APP: variants seen among roughly 807,000 people sequenced by gnomAD.
APP encodes amyloid beta precursor protein, also known as amyloid-beta precursor protein.
Under a neutral mutation model 101.4 loss-of-function variants are expected in APP, and 31 were observed. That is an observed-to-expected ratio of 0.31 (90% CI 0.23 to 0.41). APP has a LOEUF of 0.41. Ranked by LOEUF, APP falls within the 10% of genes least tolerant of loss-of-function variation. The probability of loss-of-function intolerance (pLI) is 1.00; values close to 1 mark genes in which losing one functional copy is unlikely to be tolerated. For missense variants in APP, 839 were observed against 1,003.7 expected (o/e 0.84, Z 2.22); for synonymous variants, 366 against 364.4 (o/e 1.00, Z -0.05).
chr21:26,018,246 A>C (rs1290434686), intron 6 of APP, among the ~76,000 whole-genome samples: 2 of 152,242 alleles, frequency 1.3e-5, no homozygotes, highest in Non-Finnish European at 2.9e-5. Context: ...TAATGATGAC[A>C]ATTTTCTTAG....
chr21:25,948,170 T>TTTTTC (rs386394489), intron 13 of APP, among the ~76,000 whole-genome samples: 80 of 151,908 alleles, frequency 5.3e-4, no homozygotes, highest in Admixed American at 5.2e-4. Flanking sequence ...GATTTTTTTT[T>TTTTTC]TTTGATGTTC....
intron 13 of APP, among the ~76,000 whole-genome samples, chr21:25,950,381 C>CTT (rs57124711): frequency 7.5e-5 from 10 of 133,118 alleles, no homozygotes; most frequent in Non-Finnish European, 9.8e-5. Context: ...TTTTTTTTTT[C>CTT]TTTTTTTTTT....
intron 6 of APP, among the ~76,000 whole-genome samples, chr21:26,018,307 T>C (rs571368185): frequency 6.6e-6 from 1 of 152,368 alleles, no homozygotes; most frequent in African/African-American, 2.4e-5. Flanking sequence ...ACACTAACAC[T>C]GAAAACAAGA....
At chr21:25,983,059 T>A (rs1384524064) in intron 8 of APP, among the ~76,000 whole-genome samples, 1 of 151,896 alleles carries the variant, frequency 6.6e-6, no homozygotes, top group East Asian at 1.9e-4. Context: ...ACAAAAGGAC[T>A]TTTCTGTCTT....
chr21:26,047,257 T>C (rs1394352698), intron 5 of APP, among the ~76,000 whole-genome samples: 1 of 152,212 alleles, frequency 6.6e-6, no homozygotes, highest in Non-Finnish European at 1.5e-5. Flanking sequence ...CAAGCCTCAT[T>C]AACTACCAAA....
At chr21:26,136,181 G>GAAAAAGAA in intron 1 of APP, among the ~76,000 whole-genome samples, 1 of 74,998 alleles carries the variant, frequency 1.3e-5, no homozygotes, top group African/African-American at 1.1e-4. Context: ...AAGAAAGAAA[G>GAAAAAGAA]AAAGAAAGAA....
intron 5 of APP, among the ~76,000 whole-genome samples, chr21:26,022,651 C>T (rs1439870628): frequency 6.6e-6 from 1 of 152,112 alleles, no homozygotes; most frequent in African/African-American, 2.4e-5. Flanking sequence ...TAAAACTGCT[C>T]TGAAAAATGT....
chr21:26,095,312 C>T (rs2061918166), intron 2 of APP, among the ~76,000 whole-genome samples: 1 of 152,176 alleles, frequency 6.6e-6, no homozygotes, highest in Non-Finnish European at 1.5e-5. Flanking sequence ...CCATTCTGAG[C>T]AGTGTGATGA....
At chr21:26,108,837 T>C (rs1005133893) in intron 2 of APP, among the ~76,000 whole-genome samples, 2 of 152,094 alleles carry the variant, frequency 1.3e-5, no homozygotes, top group South Asian at 2.1e-4. Context: ...TGAGCTGAGA[T>C]TGTGCCACTG....
At chr21:25,965,012 G>C (rs991985775) in intron 11 of APP, among the ~76,000 whole-genome samples, 2 of 152,174 alleles carry the variant, frequency 1.3e-5, no homozygotes. Flanking sequence ...AGTGAAGGCA[G>C]CATATAGAAC....
chr21:26,034,075 TTTG>T (rs1244855067), intron 5 of APP, among the ~76,000 whole-genome samples: 1 of 152,162 alleles, frequency 6.6e-6, no homozygotes, highest in African/African-American at 2.4e-5. Context: ...AGTGCTGCAC[TTTG>T]TTGTTTTTTA....
At chr21:26,033,345 G>A (rs969650371) in intron 5 of APP, among the ~76,000 whole-genome samples, 2 of 152,202 alleles carry the variant, frequency 1.3e-5, no homozygotes, top group Non-Finnish European at 2.9e-5. Context: ...GCCGCCTTAT[G>A]AAGAAGGATG....
intron 3 of APP, among the ~76,000 whole-genome samples, chr21:26,079,582 C>T (rs1215356117): frequency 2.6e-5 from 4 of 152,090 alleles, no homozygotes; most frequent in East Asian, 3.9e-4. Context: ...TCAGCTGATA[C>T]GTTATTAAAT....
chr21:25,898,264 A>G (rs1240424052), intron 15 of APP, among the ~76,000 whole-genome samples: 3 of 152,200 alleles, frequency 2.0e-5, no homozygotes, highest in Non-Finnish European at 4.4e-5. Flanking sequence ...ATAAAGAGCT[A>G]TAGTACATAA....
rs375813247 is a variant in APP, at chr21:26,024,556, T to C, written c.663-2514A>G. Among the ~76,000 whole-genome samples the C allele has an allele frequency of 4.2e-4, 64 of 152,254 alleles. No individual in the cohort carries two copies. In the East Asian group the frequency reaches 0.012, roughly 28 times the overall value. On this transcript the variant is annotated intron_variant, in intron 5 of 17. Coordinates refer to ENST00000346798, the MANE Select transcript of APP (RefSeq NM_000484.4). ...AGAAAGGAAGACTCCTCCATAAACC[T>C]GAAAGGCTTTCAAAGTCTAACAGGA...
intron 5 of APP, among the ~76,000 whole-genome samples, chr21:26,025,299 G>A (rs1018575024): frequency 2.4e-4 from 37 of 152,270 alleles, no homozygotes; most frequent in Admixed American, 8.5e-4. Flanking sequence ...TTAATTTACC[G>A]TGTTTGAGAT....
At chr21:26,004,650 A>AT (rs1354326531) in intron 6 of APP, among the ~76,000 whole-genome samples, 3 of 151,646 alleles carry the variant, frequency 2.0e-5, no homozygotes, top group Non-Finnish European at 2.9e-5. Flanking sequence ...AAGATTTTTA[A>AT]TTTTTTTTCT....
At chr21:25,893,159 T>C (rs2037809623) in intron 16 of APP, among the ~76,000 whole-genome samples, 1 of 152,292 alleles carries the variant, frequency 6.6e-6, no homozygotes, top group East Asian at 1.9e-4. Flanking sequence ...TGGAGTGTCA[T>C]GAAACATGCC....
intron 3 of APP, among the ~76,000 whole-genome samples, chr21:26,088,451 T>C (rs1236035113): frequency 6.6e-6 from 1 of 152,204 alleles, no homozygotes; most frequent in African/African-American, 2.4e-5. Flanking sequence ...GCTTACATTC[T>C]AATGAAAATA....
Sources: allele counts gnomAD v4.1 joint callset (sites outside exome capture counted in the v4.1 genomes callset), GRCh38; gene constraint gnomAD v4.1.1; transcripts MANE v1.5; gene names NCBI Gene and HGNC (gene_info 2026-07-23, HGNC 2026-07-21).